The following AGXT2 variants were observed in gnomAD, a reference collection of about 807,000 sequenced individuals.
AGXT2 encodes alanine--glyoxylate aminotransferase 2, mitochondrial.
A neutral mutation model predicts 62.5 loss-of-function variants in AGXT2; 61 were observed. The ratio of observed to expected loss-of-function variants is 0.98; its 90% CI spans 0.79 to 1.21. The LOEUF is 1.21. Ranked by LOEUF, AGXT2 falls within the 50% of genes most tolerant of loss-of-function variation. The pLI, the probability that AGXT2 is intolerant of heterozygous loss-of-function variation, is 0.00. For synonymous variants in AGXT2, 243 were observed against 218.7 expected (o/e 1.11, Z -0.98); for missense variants, 666 against 641.5 (o/e 1.04, Z -0.41).
intron 12 of AGXT2, among the ~76,000 whole-genome samples, chr5:35,004,899 C>T (rs1766366853): frequency 6.6e-6 from 1 of 152,170 alleles, no homozygotes; most frequent in Non-Finnish European, 1.5e-5. Flanking sequence ...GTGTCATTGT[C>T]TGAGAACAGA....
chr5:35,012,234 AATAAATATATATACATAT>A (rs980434548), intron 11 of AGXT2, among the ~76,000 whole-genome samples: 2 of 151,546 alleles, frequency 1.3e-5, no homozygotes, highest in African/African-American at 2.4e-5. Flanking sequence ...TATTGAAATA[AATAAATATATATACATAT>A]ATAAATATAT....
chr5:34,998,254 A>G lies in AGXT2; in HGVS notation c.*465T>C, dbSNP rs1369376560. On this transcript the variant is annotated 3_prime_UTR_variant, in exon 14 of 14. Coordinates refer to ENST00000231420, the MANE Select transcript of AGXT2 (RefSeq NM_031900.4). ...CAAAAAGGGTTGTCCTCATGACTAC[A>G]AGCCGGCTGACATGGTGCCAGGAAT... The G allele has an allele frequency of 5.2e-6, 1 of 193,344 alleles. No individual in the cohort carries two copies. Among genetic ancestry groups the G allele is most frequent in the African/African-American group, 2.4e-5 (1 of 42,300 alleles). The allele number at this position is 193,344 out of a possible 1,614,324, so 12.0% of individuals were successfully genotyped here. A position where few individuals can be genotyped will look rare whatever the true frequency, so the allele number is the denominator to read the frequency against.
At chr5:35,046,263 C>T (rs1303518830) in intron 1 of AGXT2, among the ~76,000 whole-genome samples, 1 of 152,178 alleles carries the variant, frequency 6.6e-6, no homozygotes, top group Non-Finnish European at 1.5e-5. Flanking sequence ...TAGGGCATTT[C>T]TCTTGCTAGG....
chr5:35,039,924 T>G (rs1190084111), intron 2 of AGXT2, among the ~76,000 whole-genome samples: 1 of 152,230 alleles, frequency 6.6e-6, no homozygotes, highest in Non-Finnish European at 1.5e-5. Flanking sequence ...GTATCTTTAT[T>G]TATAAAATAT....
intron 9 of AGXT2, among the ~76,000 whole-genome samples, chr5:35,019,655 A>G (rs866991144): frequency 6.6e-6 from 1 of 152,214 alleles, no homozygotes; most frequent in South Asian, 2.1e-4. Flanking sequence ...TAACATCACA[A>G]TTAAAAGAAC....
rs184874426 is a variant in AGXT2 at position 35,041,521 on chromosome 5, C to A, written c.89-858G>T. 2.3e-3 allele frequency among the ~76,000 whole-genome samples: 348 copies of A among 152,186 alleles called. 2 individuals are homozygous for A. Among genetic ancestry groups the A allele is most frequent in the African/African-American group, 8.2e-3 (339 of 41,514 alleles). ...CTTCCCTGCCAGCACAGACTTTGGC[C>A]CCCCTGCAGCAGTGGGATGGAATAA... is the stretch of plus-strand genomic sequence containing the variant. On this transcript the variant is annotated intron_variant, in intron 1 of 13. Transcript: ENST00000231420.
Position 34,998,741 on chromosome 5 carries a change from T to G in AGXT2, c.1523A>C (p.His508Pro). Residue 508 changes from histidine to proline, a missense_variant, in exon 14 of 14, where the codon CAC becomes CCC. By Grantham distance (77) the His-to-Pro change is moderately conservative. Coordinates refer to ENST00000231420, the MANE Select transcript of AGXT2 (RefSeq NM_031900.4). ...ATGTTACTTAGCTCTTCTTTCCATG[T>G]GTTGGGTTAAGGCAGAACGAAATAC... ...VEVFRSALTQ[H>P]MERRAK 6.2e-7 allele frequency: 1 copy of G among 1,613,502 alleles called. No homozygotes were observed. Among genetic ancestry groups the G allele is most frequent in the South Asian group, 1.1e-5 (1 of 91,072 alleles).
At chr5:35,008,641 C>G (rs1481421830) in intron 12 of AGXT2, among the ~76,000 whole-genome samples, 1 of 152,138 alleles carries the variant, frequency 6.6e-6, no homozygotes, top group African/African-American at 2.4e-5. Flanking sequence ...TCATATTACC[C>G]TTTGTTTATT....
At chr5:35,014,324 G>C (rs1488666380) in intron 9 of AGXT2, among the ~76,000 whole-genome samples, 2 of 151,722 alleles carry the variant, frequency 1.3e-5, no homozygotes, top group Admixed American at 6.6e-5. Context: ...ACAGTGGCAG[G>C]TGCCTGTAAT....
chr5:35,047,602 A>C (rs1768292936), intron 1 of AGXT2, among the ~76,000 whole-genome samples: 2 of 149,476 alleles, frequency 1.3e-5, no homozygotes, highest in South Asian at 4.3e-4. Context: ...TTTCATTTCA[A>C]AACAAAAAGG....
At chr5:35,029,313 G>A (rs892978458) in intron 7 of AGXT2, among the ~76,000 whole-genome samples, 6 of 152,192 alleles carry the variant, frequency 3.9e-5, no homozygotes, top group Non-Finnish European at 5.9e-5. Flanking sequence ...AATTTAACAA[G>A]CCCATTTGTA....
chr5:35,045,022 A>G (rs187490), intron 1 of AGXT2, among the ~76,000 whole-genome samples: 52,410 of 152,068 alleles, frequency 0.34, 9,386 homozygotes, highest in South Asian at 0.44. Context: ...GGAAATTGGT[A>G]CATGGGAGCA....
At chr5:35,005,700 T>C (rs1242839031) in intron 12 of AGXT2, among the ~76,000 whole-genome samples, 1 of 151,950 alleles carries the variant, frequency 6.6e-6, no homozygotes, top group Admixed American at 6.6e-5. Flanking sequence ...GAAACTCTGC[T>C]GAGGCTTAAG....
intron 1 of AGXT2, among the ~76,000 whole-genome samples, chr5:35,045,428 A>C (rs13177986): frequency 0.29 from 43,873 of 152,062 alleles, 6,962 homozygotes; most frequent in Non-Finnish European, 0.37. Context: ...ACATATTCAC[A>C]CACATATATA....
intron 5 of AGXT2, 99 bp from the exon 6 acceptor site, chr5:35,033,652 A>G (rs1767660300): frequency 3.5e-6 from 3 of 867,442 alleles, no homozygotes; most frequent in Non-Finnish European, 5.8e-6. Flanking sequence ...GAAATAGAAC[A>G]TCATTCGCAT....
At chr5:35,011,331 A>G (rs1393016644) in intron 11 of AGXT2, among the ~76,000 whole-genome samples, 2 of 152,052 alleles carry the variant, frequency 1.3e-5, no homozygotes, top group Non-Finnish European at 2.9e-5. Flanking sequence ...ATGGTGGTGC[A>G]TGCCTATAAT....
intron 13 of AGXT2, among the ~76,000 whole-genome samples, chr5:35,003,055 G>A (rs1026495220): frequency 1.3e-5 from 2 of 152,176 alleles, no homozygotes; most frequent in African/African-American, 4.8e-5. Context: ...CCCATCCCTG[G>A]GGAGAGGCTG....
rs755251262 is a variant in AGXT2, at chr5:35,037,055, C to T, written c.373G>A (p.Ala125Thr). Residue 125 changes from alanine (A) to threonine (T), a missense_variant, in exon 4 of 14, where the codon GCA becomes ACA. Physicochemically the swap from Ala to Thr is moderately conservative, Grantham distance 58 (BLOSUM62 0). Coordinates refer to ENST00000231420, the MANE Select transcript of AGXT2 (RefSeq NM_031900.4). ...SVGHCHPKVN[A>T]VAQKQLGRLW... ...CGGCCGAGCTGCTTTTGTGCCACTGCATTCACCTTTCTGGATAAGCAGTAC... is the reference window on the plus strand; with the variant it reads ...CGGCCGAGCTGCTTTTGTGCCACTGTATTCACCTTTCTGGATAAGCAGTAC... The T allele has an allele frequency of 1.2e-6, 2 of 1,614,108 alleles. No individual in the cohort carries two copies.
chr5:35,046,465 C>A (rs186042881), intron 1 of AGXT2, among the ~76,000 whole-genome samples: 1 of 152,272 alleles, frequency 6.6e-6, no homozygotes, highest in African/African-American at 2.4e-5. Context: ...AGAATCTCTT[C>A]GAGTTCGGAG....
Sources: gnomAD v4.1 joint callset for allele counts (sites outside exome capture counted in the v4.1 genomes callset) on GRCh38, gnomAD v4.1.1 for gene constraint, MANE v1.5 for transcripts, NCBI Gene and HGNC (gene_info 2026-07-23, HGNC 2026-07-21) for gene names.